The following IKZF2 variants were observed in gnomAD, a reference collection of about 807,000 sequenced individuals.
The protein encoded by IKZF2 is IKAROS family zinc finger 2.
IKZF2 carries 15 observed loss-of-function variants against 49.2 expected under a neutral mutation model. The observed-to-expected ratio is 0.30, with a 90% CI of 0.20 to 0.47. The LOEUF is 0.47. IKZF2 is among the 20% of genes least tolerant of loss of function. The pLI is 1.00. For synonymous variants in IKZF2, 227 were observed against 221.4 expected (o/e 1.03, Z -0.23); for missense variants, 567 against 664.6 (o/e 0.85, Z 1.61).
intron 4 of IKZF2, among the ~76,000 whole-genome samples, chr2:213,129,483 A>G (rs966000137): frequency 3.3e-5 from 5 of 151,766 alleles, no homozygotes; most frequent in African/African-American, 1.2e-4. Context: ...ATGTCCCGGA[A>G]AAGAAAAAGG....
At chr2:213,138,196 A>T (rs1343571668) in intron 4 of IKZF2, among the ~76,000 whole-genome samples, 2 of 152,104 alleles carry the variant, frequency 1.3e-5, no homozygotes, top group Admixed American at 1.3e-4. Flanking sequence ...CTGTAACCTT[A>T]AATGTGCTAT....
chr2:213,103,074 C>T (rs990988827), intron 4 of IKZF2, among the ~76,000 whole-genome samples: 2 of 152,110 alleles, frequency 1.3e-5, no homozygotes, highest in Non-Finnish European at 2.9e-5. Flanking sequence ...TTCTAAATAC[C>T]GTAGAGGGGG....
rs1694831043 is a variant in IKZF2 at position 213,000,716 on chromosome 2, T to C, written c.*6644A>G. 6.6e-6 allele frequency: 1 copy of C among 151,976 alleles called. No individual in the cohort carries two copies. Among genetic ancestry groups the C allele is most frequent in the African/African-American group, 2.4e-5 (1 of 41,386 alleles). 9.4% of individuals were successfully genotyped at this position (151,976 alleles called of 1,614,324 possible). A position where few individuals can be genotyped will look rare whatever the true frequency, so the allele number is the denominator to read the frequency against. On this transcript the variant is annotated 3_prime_UTR_variant, in exon 9 of 9. Transcript: ENST00000434687. ...ATTTCTCCAATAGGTGATATGTAAG[T>C]GTTTAAAACTCAGCTAAGTGCTTTG...
At chr2:213,082,153 C>G (rs1221972252) in intron 4 of IKZF2, among the ~76,000 whole-genome samples, 1 of 152,024 alleles carries the variant, frequency 6.6e-6, no homozygotes, top group Non-Finnish European at 1.5e-5. Context: ...TAGTTTTGTT[C>G]TATACATTGT....
At chr2:213,015,195 T>C (rs1696436588) in intron 7 of IKZF2, 1 of 152,060 alleles carries the variant, frequency 6.6e-6, no homozygotes, top group African/African-American at 2.4e-5. Context: ...GTTTTCATGA[T>C]TTGGACATGT....
chr2:213,131,601 T>C (rs1376242230), intron 4 of IKZF2, among the ~76,000 whole-genome samples: 1 of 152,226 alleles, frequency 6.6e-6, no homozygotes, highest in East Asian at 1.9e-4. Context: ...GATGTATATT[T>C]TGAAGCCATG....
chr2:213,035,326 C>T (rs1352747698), intron 6 of IKZF2, among the ~76,000 whole-genome samples: 2 of 152,072 alleles, frequency 1.3e-5, no homozygotes, highest in Non-Finnish European at 2.9e-5. Context: ...TGCCCGTCTC[C>T]CCTTATTAAA....
intron 6 of IKZF2, among the ~76,000 whole-genome samples, chr2:213,031,251 T>C (rs1698400260): frequency 6.6e-6 from 1 of 152,250 alleles, no homozygotes; most frequent in Non-Finnish European, 1.5e-5. Flanking sequence ...GTGCTGTAGA[T>C]ACAGCACTGA....
intron 4 of IKZF2, among the ~76,000 whole-genome samples, chr2:213,101,317 A>G (rs1384485391): frequency 6.6e-6 from 1 of 152,132 alleles, no homozygotes; most frequent in Non-Finnish European, 1.5e-5. Flanking sequence ...GCAGTCTCTA[A>G]CCAGCATTAC....
intron 4 of IKZF2, among the ~76,000 whole-genome samples, chr2:213,092,666 G>A (rs549980219): frequency 2.0e-5 from 3 of 152,198 alleles, no homozygotes; most frequent in African/African-American, 7.2e-5. Context: ...ACCATTACCA[G>A]CTGTTCTTCC....
At chr2:213,116,455 G>A (rs1419057809) in intron 4 of IKZF2, among the ~76,000 whole-genome samples, 1 of 152,162 alleles carries the variant, frequency 6.6e-6, no homozygotes, top group East Asian at 1.9e-4. Context: ...TCTGCAGGCT[G>A]GGGGCACAGT....
chr2:213,136,906 G>A (rs886465660), intron 4 of IKZF2, among the ~76,000 whole-genome samples: 1 of 152,018 alleles, frequency 6.6e-6, no homozygotes, highest in African/African-American at 2.4e-5. Context: ...TATACATAGA[G>A]TTGTATGAAA....
chr2:213,134,162 C>A (rs184086550), intron 4 of IKZF2, among the ~76,000 whole-genome samples: 77 of 152,300 alleles, frequency 5.1e-4, no homozygotes, highest in Middle Eastern at 3.4e-3. Context: ...GTGTCTTAGA[C>A]ACTTCGAGAG....
At chr2:213,073,386 ATATT>A (rs931660680) in intron 4 of IKZF2, among the ~76,000 whole-genome samples, 2 of 152,188 alleles carry the variant, frequency 1.3e-5, no homozygotes, top group African/African-American at 4.8e-5. Flanking sequence ...AACTAACTCC[ATATT>A]TACCACAGAA....
intron 4 of IKZF2, among the ~76,000 whole-genome samples, chr2:213,142,261 A>G (rs1344407316): frequency 6.6e-6 from 1 of 151,826 alleles, no homozygotes; most frequent in Non-Finnish European, 1.5e-5. Flanking sequence ...GACAAACTCT[A>G]TTTCTTTCTT....
chr2:213,150,451 AC>A (rs1331682324), intron 1 of IKZF2: 3 of 133,720 alleles, frequency 2.2e-5, no homozygotes, highest in Non-Finnish European at 3.4e-5. Flanking sequence ...AGAGAAGAAC[AC>A]CCCCCTCCTC....
At position 213,001,019 on chromosome 2, in the gene IKZF2, AC is replaced by A. The variant is rs1694859484; in HGVS notation, c.*6340del. On this transcript the variant is annotated 3_prime_UTR_variant, in exon 9 of 9. Coordinates refer to ENST00000434687, the MANE Select transcript of IKZF2 (RefSeq NM_001387220.1). ...TTGTTGTGTCCTTTAACATACTATG[AC>A]TTTTATGAGTTTCTTTTTGTCATTA... 1 of 151,746 alleles carries A rather than the reference AC, an allele frequency of 6.6e-6. No homozygotes were observed. The allele number at this position is 151,746 out of a possible 1,614,324, so 9.4% of individuals were successfully genotyped here.
At chr2:213,045,093 C>T (rs7573852) in intron 6 of IKZF2, among the ~76,000 whole-genome samples, 6,751 of 152,192 alleles carry the variant, frequency 0.044, 488 homozygotes, top group African/African-American at 0.15. Context: ...CAGCGTAGCC[C>T]TACAACTATC....
intron 4 of IKZF2, among the ~76,000 whole-genome samples, chr2:213,075,453 T>G (rs558321274): frequency 2.6e-4 from 39 of 152,272 alleles, no homozygotes; most frequent in African/African-American, 8.2e-4. Flanking sequence ...AGAAAAAATA[T>G]ATATCTTATC....
Sources: allele counts gnomAD v4.1 joint callset (sites outside exome capture counted in the v4.1 genomes callset), GRCh38; gene constraint gnomAD v4.1.1; transcripts MANE v1.5; gene names NCBI Gene and HGNC (gene_info 2026-07-23, HGNC 2026-07-21).